FOXP4: variants seen among roughly 807,000 people sequenced by gnomAD.
FOXP4 encodes forkhead box P4, also known as forkhead box protein P4.
A neutral mutation model predicts 82.6 loss-of-function variants in FOXP4; 25 were observed. The observed-to-expected ratio is 0.30, with a 90% CI of 0.22 to 0.42. The LOEUF (loss-of-function observed/expected upper bound fraction) is 0.42. FOXP4 is among the 10% of genes least tolerant of loss of function. The pLI is 1.00. For missense variants in FOXP4, 785 were observed against 900.9 expected (o/e 0.87, Z 1.65); for synonymous variants, 415 against 388.2 (o/e 1.07, Z -0.81).
At chr6:41,572,811 C>T (rs1303848155) in intron 2 of FOXP4, among the ~76,000 whole-genome samples, 1 of 152,202 alleles carries the variant, frequency 6.6e-6, no homozygotes, top group Non-Finnish European at 1.5e-5. Context: ...GGTTTCTCTT[C>T]CCTGTGCAGA....
At chr6:41,582,252 TC>T (rs1435222132) in intron 3 of FOXP4, among the ~76,000 whole-genome samples, 2 of 152,252 alleles carry the variant, frequency 1.3e-5, no homozygotes, top group Non-Finnish European at 2.9e-5. Flanking sequence ...GCCTCAGTTT[TC>T]CCATCTCATC....
chr6:41,548,187 C>A (rs1454106308), intron 1 of FOXP4, among the ~76,000 whole-genome samples: 1 of 152,210 alleles, frequency 6.6e-6, no homozygotes, highest in African/African-American at 2.4e-5. Context: ...CACTCGGCGC[C>A]TGGCGTTTCG....
At chr6:41,585,664 A>C in intron 5 of FOXP4, 147 bp downstream of exon 5, 1 of 703,652 alleles carries the variant, frequency 1.4e-6, no homozygotes, top group Non-Finnish European at 2.4e-6. Flanking sequence ...AGTGTGGGGG[A>C]AATGGGGATG....
At chr6:41,567,258 A>G (rs1247331112) in intron 2 of FOXP4, among the ~76,000 whole-genome samples, 2 of 152,240 alleles carry the variant, frequency 1.3e-5, no homozygotes, top group Non-Finnish European at 2.9e-5. Flanking sequence ...TTGGGTGTGC[A>G]ACACATGCAG....
chr6:41,571,236 C>T (rs760424510), intron 2 of FOXP4, among the ~76,000 whole-genome samples: 5 of 152,248 alleles, frequency 3.3e-5, no homozygotes, highest in Non-Finnish European at 2.9e-5. Context: ...CCCCTCATGA[C>T]ACCCTGCAGA....
intron 2 of FOXP4, among the ~76,000 whole-genome samples, chr6:41,570,908 G>C (rs1025384472): frequency 6.6e-6 from 1 of 152,196 alleles, no homozygotes; most frequent in Non-Finnish European, 1.5e-5. Context: ...CCTTTATTCT[G>C]AGAAGGCCCA....
At chr6:41,574,575 G>A (rs1425190424) in intron 2 of FOXP4, among the ~76,000 whole-genome samples, 1 of 152,216 alleles carries the variant, frequency 6.6e-6, no homozygotes, top group Non-Finnish European at 1.5e-5. Flanking sequence ...GGTTGGAGAT[G>A]GGGGTTCACA....
intron 6 of FOXP4, 46 bp from the exon 7 acceptor site, chr6:41,587,253 C>T (rs961891630): frequency 4.4e-6 from 7 of 1,608,722 alleles, no homozygotes; most frequent in East Asian, 2.2e-5. Context: ...AGGTAGAAAG[C>T]CGAGTGTTCG....
chr6:41,599,360 C>T lies in FOXP4; in HGVS notation c.*424C>T, dbSNP rs2127412826. The T allele has an allele frequency of 6.1e-6, 1 of 163,200 alleles. No homozygotes were observed. Among genetic ancestry groups the T allele is most frequent in the Non-Finnish European group, 1.4e-5 (1 of 73,936 alleles). 10.1% of individuals were successfully genotyped at this position (163,200 alleles called of 1,614,324 possible). On this transcript the variant is annotated 3_prime_UTR_variant, in exon 17 of 17. Coordinates refer to ENST00000307972, the MANE Select transcript of FOXP4 (RefSeq NM_001012426.2). ...CCTGGCTCTGGCCGTGTTTTCTGGC[C>T]AGAGGCCCCCACTTTCCTAACTCGT...
intron 1 of FOXP4, among the ~76,000 whole-genome samples, chr6:41,564,308 A>G (rs922079215): frequency 3.3e-5 from 5 of 152,136 alleles, no homozygotes; most frequent in African/African-American, 1.2e-4. Flanking sequence ...AGTACCAGCT[A>G]CTTGGGAGGC....
chr6:41,566,505 A>G (rs1198782858), intron 2 of FOXP4, among the ~76,000 whole-genome samples: 1 of 152,172 alleles, frequency 6.6e-6, no homozygotes, highest in Non-Finnish European at 1.5e-5. Flanking sequence ...CTCCATTTTT[A>G]GGGCTCAAAC....
rs1476071734 is a variant in FOXP4 at position 41,599,011 on chromosome 6, A to G, written c.*75A>G. The G allele has an allele frequency of 2.7e-6, 4 of 1,455,210 alleles. No individual in the cohort carries two copies. The East Asian group carries it at 9.8e-5, about 36-fold the overall frequency. The allele number at this position is 1,455,210 out of a possible 1,614,324, so 90.1% of individuals were successfully genotyped here. A position where few individuals can be genotyped will look rare whatever the true frequency, so the allele number is the denominator to read the frequency against. ...TCCAGGCCCCATCTCCCCCAACTCCACAGCCCCTCCCGAGCCTCAAGGCAA... is the reference window on the plus strand; with the variant it reads ...TCCAGGCCCCATCTCCCCCAACTCCGCAGCCCCTCCCGAGCCTCAAGGCAA... On this transcript the variant is annotated 3_prime_UTR_variant, in exon 17 of 17. Coordinates refer to ENST00000307972, the MANE Select transcript of FOXP4 (RefSeq NM_001012426.2).
chr6:41,560,014 TTACC>T (rs1473274899), intron 1 of FOXP4, among the ~76,000 whole-genome samples: 1 of 152,222 alleles, frequency 6.6e-6, no homozygotes, highest in Admixed American at 6.5e-5. Context: ...TTAAGAAATC[TTACC>T]TCTTATTGCA....
chr6:41,558,269 A>G lies in FOXP4; in HGVS notation c.-16-7476A>G, dbSNP rs1187188250. ...AGCCAAGCAGTGCGTGACTCACATCACCCACCTCTGGCTTCAGGACCTATT... is the reference window on the plus strand; with the variant it reads ...AGCCAAGCAGTGCGTGACTCACATCGCCCACCTCTGGCTTCAGGACCTATT... On this transcript the variant is annotated intron_variant, in intron 1 of 16. Transcript: ENST00000307972. The surrounding 1 kb of genome is among the most constrained non-coding windows in gnomAD (Gnocchi z 4.0). 6.6e-6 allele frequency among the ~76,000 whole-genome samples: 1 copy of G among 152,076 alleles called. No homozygotes were observed. Among genetic ancestry groups the G allele is most frequent in the Admixed American group, 6.5e-5 (1 of 15,280 alleles).
In FOXP4 at chr6:41,601,070, T is replaced by C. The variant is rs949380396; in HGVS notation, c.*2134T>C. On this transcript the variant is annotated 3_prime_UTR_variant, in exon 17 of 17. Transcript: ENST00000307972. ...ATTCCCAGGTGTCCTTCCAGGCCCA[T>C]TGTCCACGTCTTCAAGGGGGCTGCC... 6.6e-6 allele frequency: 1 copy of C among 152,300 alleles called. No individual in the cohort carries two copies. Among genetic ancestry groups the C allele is most frequent in the African/African-American group, 2.4e-5 (1 of 41,442 alleles). 9.4% of individuals were successfully genotyped at this position (152,300 alleles called of 1,614,324 possible).
At chr6:41,549,407 C>T (rs995604680) in intron 1 of FOXP4, among the ~76,000 whole-genome samples, 1 of 152,052 alleles carries the variant, frequency 6.6e-6, no homozygotes, top group Non-Finnish European at 1.5e-5. Flanking sequence ...CTTCCTCACA[C>T]CTAGACGCCC....
intron 14 of FOXP4, among the ~76,000 whole-genome samples, chr6:41,596,786 G>A (rs1404906754): frequency 6.6e-6 from 1 of 152,154 alleles, no homozygotes; most frequent in African/African-American, 2.4e-5. Flanking sequence ...CAGACCAGGT[G>A]TGTAACTACT....
At position 41,589,757 on chromosome 6, in the gene FOXP4, G is replaced by A; in HGVS notation, c.1066-14G>A. 1 of 1,609,396 alleles carries A rather than the reference G, an allele frequency of 6.2e-7. No individual in the cohort carries two copies. The highest frequency in any genetic ancestry group is 1.1e-5 in the South Asian group (1 of 90,996). On this transcript the variant is annotated splice_polypyrimidine_tract_variant and intron_variant, in intron 9 of 16. Transcript: ENST00000307972. ...CAGCCTCCCGCTCACCTCCTGCTTT[G>A]CCACCCTCCACAGCTCGCCAAGGAG... is the stretch of plus-strand genomic sequence containing the variant.
chr6:41,565,864 C>T lies in FOXP4; in HGVS notation c.104C>T (p.Thr35Ile), dbSNP rs149026195. The change falls in exon 2 of 17, where the codon ACA (threonine) becomes ATA (isoleucine). Residue 35 changes from threonine (T) to isoleucine (I), a missense_variant. Physicochemically the swap from Thr to Ile is moderately conservative, Grantham distance 89. Coordinates refer to ENST00000307972, the MANE Select transcript of FOXP4 (RefSeq NM_001012426.2). The part of the protein sequence containing the change: ...GQADGSSGGA[T>I]GTTASGTGRE... ...GCCGATGGCAGCAGCGGCGGGGCCA[C>T]AGGGACAACTGCAAGTGGCACGGGC... 2.7e-5 allele frequency: 44 copies of T among 1,613,802 alleles called. No individual in the cohort carries two copies. In the Admixed American group the frequency reaches 5.5e-4, roughly 20 times the overall value.
Sources: gnomAD v4.1 joint callset for allele counts (sites outside exome capture counted in the v4.1 genomes callset) on GRCh38, gnomAD v4.1.1 for gene constraint, Gnocchi (gnomAD v3.1) non-coding constraint, MANE v1.5 for transcripts, NCBI Gene and HGNC (gene_info 2026-07-23, HGNC 2026-07-21) for gene names.